LRRC69: variants seen among roughly 807,000 people sequenced by gnomAD.
LRRC69 encodes the protein leucine rich repeat containing 69.
A neutral mutation model predicts 37.8 loss-of-function variants in LRRC69; 42 were observed. That is an observed-to-expected ratio of 1.11 (90% confidence interval 0.87 to 1.44). The LOEUF (loss-of-function observed/expected upper bound fraction) is 1.44. Among genes scored for constraint, LRRC69 ranks in the 40% most tolerant of loss-of-function variants. The probability of loss-of-function intolerance (pLI) is 0.00; values close to 1 mark genes in which losing one functional copy is unlikely to be tolerated. For missense variants in LRRC69, 357 were observed against 401.9 expected (o/e 0.89, Z 0.96); for synonymous variants, 141 against 143.1 (o/e 0.99, Z 0.11).
chr8:91,133,572 A>C (rs1364003851), intron 4 of LRRC69, among the ~76,000 whole-genome samples: 1 of 152,122 alleles, frequency 6.6e-6, no homozygotes, highest in African/African-American at 2.4e-5. Context: ...TAAATTTTTT[A>C]CTATAAGTAT....
intron 7 of LRRC69, 101 bp downstream of exon 7, chr8:91,200,893 G>A (rs1027251133): frequency 8.9e-7 from 1 of 1,128,590 alleles, no homozygotes; most frequent in Non-Finnish European, 1.2e-6. Context: ...CCTATGATTG[G>A]CTTATAGGAT....
chr8:91,167,389 G>T (rs370280255), intron 5 of LRRC69, among the ~76,000 whole-genome samples: 2 of 151,388 alleles, frequency 1.3e-5, no homozygotes, highest in African/African-American at 4.8e-5. Flanking sequence ...GAACAGCCCG[G>T]GAAAGACCCG....
intron 7 of LRRC69, among the ~76,000 whole-genome samples, chr8:91,217,685 G>C (rs1282618173): frequency 6.6e-6 from 1 of 152,164 alleles, no homozygotes; most frequent in Non-Finnish European, 1.5e-5. Flanking sequence ...AGGAGTGGTA[G>C]TTGCCCAAAG....
At chr8:91,146,188 C>A (rs1163844885) in intron 5 of LRRC69, among the ~76,000 whole-genome samples, 1 of 151,570 alleles carries the variant, frequency 6.6e-6, no homozygotes, top group Non-Finnish European at 1.5e-5. Flanking sequence ...TCGCTAGCTA[C>A]CCTTGGAAAT....
intron 7 of LRRC69, among the ~76,000 whole-genome samples, 184 bp downstream of exon 7, chr8:91,200,976 C>T (rs1035429915): frequency 3.3e-5 from 5 of 152,172 alleles, no homozygotes; most frequent in African/African-American, 1.2e-4. Context: ...ATTCTATTTA[C>T]ATTCATAGAC....
intron 6 of LRRC69, among the ~76,000 whole-genome samples, chr8:91,192,042 G>C (rs1002252421): frequency 7.8e-6 from 1 of 127,908 alleles, no homozygotes; most frequent in African/African-American, 3.0e-5. Flanking sequence ...TCCCCTTCCT[G>C]TGTCCATGTG....
intron 5 of LRRC69, among the ~76,000 whole-genome samples, chr8:91,136,619 A>G (rs1808423054): frequency 6.6e-6 from 1 of 152,026 alleles, no homozygotes; most frequent in African/African-American, 2.4e-5. Context: ...GAACCTGTTC[A>G]TCTTCTCCAG....
intron 1 of LRRC69, among the ~76,000 whole-genome samples, chr8:91,122,595 A>G (rs545663895): frequency 2.0e-5 from 3 of 152,134 alleles, no homozygotes; most frequent in South Asian, 4.2e-4. Flanking sequence ...ACCAGCATTC[A>G]TGAAACTGTG....
chr8:91,199,639 C>A (rs1386881466), intron 6 of LRRC69, among the ~76,000 whole-genome samples: 1 of 152,036 alleles, frequency 6.6e-6, no homozygotes, highest in Non-Finnish European at 1.5e-5. Context: ...ACTGGGAAAT[C>A]TTTCACTTTT....
chr8:91,145,060 G>T (rs1033462782), intron 5 of LRRC69, among the ~76,000 whole-genome samples: 3 of 151,896 alleles, frequency 2.0e-5, no homozygotes, highest in African/African-American at 7.2e-5. Flanking sequence ...CTTGGAGAAT[G>T]TCTATTTCAA....
intron 1 of LRRC69, among the ~76,000 whole-genome samples, chr8:91,108,642 C>T (rs371689526): frequency 6.6e-6 from 1 of 151,936 alleles, no homozygotes; most frequent in South Asian, 2.1e-4. Context: ...ACCCGTGGCC[C>T]GCGGGCCACA....
chr8:91,207,391 G>A (rs999431684), intron 7 of LRRC69, among the ~76,000 whole-genome samples: 1 of 152,138 alleles, frequency 6.6e-6, no homozygotes, highest in South Asian at 2.1e-4. Flanking sequence ...TTTTTTTTAT[G>A]TGTGTGTTTT....
intron 7 of LRRC69, among the ~76,000 whole-genome samples, chr8:91,203,392 T>A (rs1247188795): frequency 6.7e-6 from 1 of 149,382 alleles, no homozygotes; most frequent in African/African-American, 2.5e-5. Context: ...ATACCTATCT[T>A]TTTTTTTTTT....
At chr8:91,151,727 TC>T (rs1808741423) in intron 5 of LRRC69, among the ~76,000 whole-genome samples, 2 of 151,752 alleles carry the variant, frequency 1.3e-5, no homozygotes, top group South Asian at 4.1e-4. Flanking sequence ...CACACTGTCT[TC>T]CACAGTGGTT....
intron 5 of LRRC69, among the ~76,000 whole-genome samples, chr8:91,176,134 A>ATATATATATATTTTTTTTTTT: frequency 3.3e-4 from 25 of 75,690 alleles, no homozygotes; most frequent in African/African-American, 7.9e-4. Context: ...ATATATATAT[A>ATATATATATATTTTTTTTTTT]TTTTTTTTTT....
chr8:91,153,006 G>T (rs1254225628), intron 5 of LRRC69, among the ~76,000 whole-genome samples: 1 of 151,262 alleles, frequency 6.6e-6, no homozygotes, highest in Non-Finnish European at 1.5e-5. Flanking sequence ...GATACACATA[G>T]GCTCAAAATA....
At chr8:91,171,044 C>CT (rs1307009745) in intron 5 of LRRC69, among the ~76,000 whole-genome samples, 1 of 150,562 alleles carries the variant, frequency 6.6e-6, no homozygotes, top group Admixed American at 6.6e-5. Flanking sequence ...TGAACTCAAA[C>CT]AAATTTACAA....
chr8:91,200,395 C>T (rs1314350163), intron 6 of LRRC69, among the ~76,000 whole-genome samples: 2 of 152,104 alleles, frequency 1.3e-5, no homozygotes, highest in Admixed American at 6.5e-5. Flanking sequence ...TGTAGAAATA[C>T]GACAATGTAA....
At chr8:91,105,659 CAAAAAAAAA>C (rs11407238) in intron 1 of LRRC69, among the ~76,000 whole-genome samples, 1 of 110,582 alleles carries the variant, frequency 9.0e-6, no homozygotes, top group Non-Finnish European at 1.8e-5. Context: ...GATTCTGTCT[CAAAAAAAAA>C]AAAAAAAAAG....
Sources: gnomAD v4.1 joint callset for allele counts (sites outside exome capture counted in the v4.1 genomes callset) on GRCh38, gnomAD v4.1.1 for gene constraint, MANE v1.5 for transcripts, NCBI Gene and HGNC (gene_info 2026-07-23, HGNC 2026-07-21) for gene names.